Variants in UQCRB observed in about 807,000 individuals in gnomAD.
UQCRB encodes the protein cytochrome b-c1 complex subunit 7.
In UQCRB, 12 loss-of-function variants were observed where a neutral mutation model predicts 19.8. That is an observed-to-expected ratio of 0.61 (90% CI 0.39 to 0.98). The LOEUF (loss-of-function observed/expected upper bound fraction) is 0.98, where lower values mean the gene tolerates loss of function less well. UQCRB is among the 50% of genes least tolerant of loss of function. The pLI is 0.00. For synonymous variants in UQCRB, 39 were observed against 42.9 expected (o/e 0.91, Z 0.35); for missense variants, 142 against 131.8 (o/e 1.08, Z -0.38).
intron 2 of UQCRB, 152 bp from the exon 3 acceptor site, chr8:96,232,092 T>C: frequency 2.7e-6 from 2 of 744,272 alleles, no homozygotes; most frequent in Non-Finnish European, 2.2e-6. Context: ...ATGCATTTCA[T>C]ACATTATAGG....
At chr8:96,234,166 T>G (rs925815539) in intron 1 of UQCRB, 6 of 177,138 alleles carry the variant, frequency 3.4e-5, no homozygotes, top group Non-Finnish European at 7.3e-5. Context: ...GCAAACTCAG[T>G]GCACTACAGA....
In UQCRB at chr8:96,225,560, T is replaced by C. The variant is rs1809512042; in HGVS notation, c.*5495A>G. Among the ~76,000 whole-genome samples the C allele has an allele frequency of 6.6e-6, 1 of 152,036 alleles. No homozygotes were observed. Among genetic ancestry groups the C allele is most frequent in the African/African-American group, 2.4e-5 (1 of 41,402 alleles). On this transcript the variant is annotated 3_prime_UTR_variant, in exon 4 of 4. Transcript: ENST00000287022. ...TCTCCCATGTCTCTCCAGCTGATAT[T>C]TGCCACTCCATCAGTGCAAAACTGC...
In UQCRB at chr8:96,230,089, AT is replaced by A. The variant is rs760642623; in HGVS notation, c.*965del. 1.8e-5 allele frequency: 8 copies of A among 447,314 alleles called. No homozygotes were observed. Among genetic ancestry groups the A allele is most frequent in the East Asian group, 7.0e-5 (1 of 14,242 alleles). 27.7% of individuals were successfully genotyped at this position (447,314 alleles called of 1,614,324 possible). On this transcript the variant is annotated 3_prime_UTR_variant, in exon 4 of 4. Transcript: ENST00000287022. ...ATGATGACAACATTGAATAATCCTA[AT>A]TTTTTTTTTGAGACAGTCAATGTCG...
Position 96,231,919 on chromosome 8 carries a change from A to G in UQCRB, c.113T>C (p.Ile38Thr). ...NKLGLMRDDT[I>T]YEDEDVKEAI... ...TTCTTTTACATCTTCATCCTCGTAT[A>G]TTGTATCATCTCGCATTAACCCTAT... is the stretch of plus-strand genomic sequence containing the variant. Residue 38 changes from isoleucine (I) to threonine (T), a missense_variant, in exon 3 of 4, where the codon ATA becomes ACA. By Grantham distance (89) the Ile-to-Thr change is moderately conservative. Coordinates refer to ENST00000287022, the MANE Select transcript of UQCRB (RefSeq NM_006294.5). 6.2e-7 allele frequency: 1 copy of G among 1,613,602 alleles called. No homozygotes were observed. Among genetic ancestry groups the G allele is most frequent in the Non-Finnish European group, 8.5e-7 (1 of 1,179,992 alleles).
Position 96,226,433 on chromosome 8 carries a change from C to A in UQCRB, c.*4622G>T, listed in dbSNP as rs13261690. The stretch of plus-strand genomic sequence containing the variant: ...CTTTTTAGTCAAAGCCCTTCATTTT[C>A]TAGCTGAGGAAGCCAATCTTTAGAC... On this transcript the variant is annotated 3_prime_UTR_variant, in exon 4 of 4. Transcript: ENST00000287022. The A allele has an allele frequency of 0.45, 75,429 of 166,026 alleles. 17,673 individuals carry two copies. Among genetic ancestry groups the A allele is most frequent in the African/African-American group, 0.49 (20,439 of 41,486 alleles). The allele number at this position is 166,026 out of a possible 1,614,324, so 10.3% of individuals were successfully genotyped here. A position where few individuals can be genotyped will look rare whatever the true frequency, so the allele number is the denominator to read the frequency against.
Position 96,227,344 on chromosome 8 carries a change from C to A in UQCRB, c.*3711G>T. 2.2e-6 allele frequency: 1 copy of A among 454,070 alleles called. No individual in the cohort carries two copies. The highest frequency in any genetic ancestry group is 1.6e-5 in the South Asian group (1 of 64,470). 28.1% of individuals were successfully genotyped at this position (454,070 alleles called of 1,614,324 possible). A position where few individuals can be genotyped will look rare whatever the true frequency, so the allele number is the denominator to read the frequency against. Reference sequence around the variant, plus strand: ...GAAGGAGGGGAGGGAGTTGGTGGGGCGCAGAATGGAGAAATCTTCCATAGT... The same window carrying A: ...GAAGGAGGGGAGGGAGTTGGTGGGGAGCAGAATGGAGAAATCTTCCATAGT... On this transcript the variant is annotated 3_prime_UTR_variant, in exon 4 of 4. Transcript: ENST00000287022.
In UQCRB at chr8:96,224,120, G is replaced by C. The variant is rs1185843747; in HGVS notation, c.*6935C>G. On this transcript the variant is annotated 3_prime_UTR_variant, in exon 4 of 4. Coordinates refer to ENST00000287022, the MANE Select transcript of UQCRB (RefSeq NM_006294.5). ...CCATTCTCAAGGGCAGCCCAGTTCT[G>C]TGTGAGTCAGAGTCCTGGCAGGAAA... is the stretch of plus-strand genomic sequence containing the variant. Among the ~76,000 whole-genome samples the C allele has an allele frequency of 6.6e-6, 1 of 152,212 alleles. No homozygotes were observed. The highest frequency in any genetic ancestry group is 1.5e-5 in the Non-Finnish European group (1 of 68,044).
chr8:96,233,069 T>C (rs1451334223), intron 2 of UQCRB, 87 bp downstream of exon 2: 7 of 1,307,972 alleles, frequency 5.4e-6, no homozygotes, highest in African/African-American at 4.5e-5. Context: ...CAGTAACACT[T>C]GCAAAAGCAA....
chr8:96,227,920 G>A lies in UQCRB; in HGVS notation c.*3135C>T, dbSNP rs1337835660. ...TAAAAACTCCATCACTAACATTTTGGTACCACTCGTAGAGCGTCACATAAA... is the reference window on the plus strand; with the variant it reads ...TAAAAACTCCATCACTAACATTTTGATACCACTCGTAGAGCGTCACATAAA... On this transcript the variant is annotated 3_prime_UTR_variant, in exon 4 of 4. Transcript: ENST00000287022. The A allele has an allele frequency of 2.2e-6, 1 of 453,970 alleles. No homozygotes were observed. The highest frequency in any genetic ancestry group is 2.0e-5 in the African/African-American group (1 of 49,996). 28.1% of individuals were successfully genotyped at this position (453,970 alleles called of 1,614,324 possible).
chr8:96,227,446 T>C lies in UQCRB; in HGVS notation c.*3609A>G, dbSNP rs538952464. 2 of 454,096 alleles carry C rather than the reference T, an allele frequency of 4.4e-6. No individual in the cohort carries two copies. The highest frequency in any genetic ancestry group is 1.4e-4 in the East Asian group (2 of 14,390). The allele number at this position is 454,096 out of a possible 1,614,324, so 28.1% of individuals were successfully genotyped here. A position where few individuals can be genotyped will look rare whatever the true frequency, so the allele number is the denominator to read the frequency against. ...GGCAGAATTTCATGCCTTGTTCTAA[T>C]AAAGGGATTTTCCTTGTTTTCCAAA... On this transcript the variant is annotated 3_prime_UTR_variant, in exon 4 of 4. Coordinates refer to ENST00000287022, the MANE Select transcript of UQCRB (RefSeq NM_006294.5).
At position 96,230,586 on chromosome 8, in the gene UQCRB, T is replaced by C. The variant is rs1422260764; in HGVS notation, c.*469A>G. ...GTTAGCACAGGAGTATGTATATTAC[T>C]TAAGTATGCCTATGTTGGGGTGCAG... On this transcript the variant is annotated 3_prime_UTR_variant, in exon 4 of 4. Coordinates refer to ENST00000287022, the MANE Select transcript of UQCRB (RefSeq NM_006294.5). 2 of 454,652 alleles carry C rather than the reference T, an allele frequency of 4.4e-6. No individual in the cohort carries two copies. Among genetic ancestry groups the C allele is most frequent in the African/African-American group, 2.0e-5 (1 of 50,040 alleles). 28.2% of individuals were successfully genotyped at this position (454,652 alleles called of 1,614,324 possible).
intron 3 of UQCRB, 84 bp from the exon 4 acceptor site, chr8:96,231,216 A>C: frequency 6.2e-7 from 1 of 1,613,170 alleles, no homozygotes; most frequent in Non-Finnish European, 8.5e-7. Context: ...AACAAGAAAA[A>C]AGCAATTACT....
chr8:96,223,573 G>A lies in UQCRB; in HGVS notation c.*7482C>T, dbSNP rs1417513886. On this transcript the variant is annotated 3_prime_UTR_variant, in exon 4 of 4. Coordinates refer to ENST00000287022, the MANE Select transcript of UQCRB (RefSeq NM_006294.5). ...AAGTCAAAGAAAATAGAAATGTCAA[G>A]TGCCTGGGGTTGACAAAGAGCTTCT... 1.3e-5 allele frequency among the ~76,000 whole-genome samples: 2 copies of A among 152,216 alleles called. No individual in the cohort carries two copies. The highest frequency in any genetic ancestry group is 2.9e-5 in the Non-Finnish European group (2 of 68,044).
chr8:96,234,515 T>C (rs1219171560), intron 1 of UQCRB: 2 of 1,288,332 alleles, frequency 1.6e-6, no homozygotes, highest in Non-Finnish European at 2.0e-6. Flanking sequence ...GTGTCTTGAA[T>C]TTAGTAAGAC....
chr8:96,223,534 G>T lies in UQCRB; in HGVS notation c.*7521C>A, dbSNP rs1225922275. Among the ~76,000 whole-genome samples the T allele has an allele frequency of 6.6e-6, 1 of 152,210 alleles. No individual in the cohort carries two copies. Among genetic ancestry groups the T allele is most frequent in the Admixed American group, 6.5e-5 (1 of 15,284 alleles). ...AAATAGTAAATGATTGGTTGAAGTA[G>T]TAAGTGCTTTACAAAGTCAAAGAAA... is the stretch of plus-strand genomic sequence containing the variant. On this transcript the variant is annotated 3_prime_UTR_variant, in exon 4 of 4. Transcript: ENST00000287022.
rs764138041 is a variant in UQCRB at position 96,228,621 on chromosome 8, G to A, written c.*2434C>T. 4 of 454,082 alleles carry A rather than the reference G, an allele frequency of 8.8e-6. No homozygotes were observed. The highest frequency in any genetic ancestry group is 6.2e-5 in the South Asian group (4 of 64,470). The allele number at this position is 454,082 out of a possible 1,614,324, so 28.1% of individuals were successfully genotyped here. A position where few individuals can be genotyped will look rare whatever the true frequency, so the allele number is the denominator to read the frequency against. ...ATAATTTACATTATGCATACTATAT[G>A]CCAGAAACTGTTAGTGCTTGACATG... On this transcript the variant is annotated 3_prime_UTR_variant, in exon 4 of 4. Transcript: ENST00000287022.
chr8:96,230,357 A>G lies in UQCRB; in HGVS notation c.*698T>C. 9.3e-6 allele frequency: 4 copies of G among 432,224 alleles called. No homozygotes were observed. Among genetic ancestry groups the G allele is most frequent in the Non-Finnish European group, 1.4e-5 (3 of 217,448 alleles). The allele number at this position is 432,224 out of a possible 1,614,324, so 26.8% of individuals were successfully genotyped here. ...CTCCCAAAGTGCTGGGATTACAGGC[A>G]TGAGCCACCATGCCTTGCCAATGAT... is the stretch of plus-strand genomic sequence containing the variant. On this transcript the variant is annotated 3_prime_UTR_variant, in exon 4 of 4. Coordinates refer to ENST00000287022, the MANE Select transcript of UQCRB (RefSeq NM_006294.5).
chr8:96,225,161 T>C lies in UQCRB; in HGVS notation c.*5894A>G, dbSNP rs1046207970. On this transcript the variant is annotated 3_prime_UTR_variant, in exon 4 of 4. Transcript: ENST00000287022. Reference sequence around the variant, plus strand: ...GCTGTGAAAATTAAAAATAGGCCCATAGGTGAAGGACATGAACAAGATTGA... The same window carrying C: ...GCTGTGAAAATTAAAAATAGGCCCACAGGTGAAGGACATGAACAAGATTGA... 5.3e-5 allele frequency among the ~76,000 whole-genome samples: 8 copies of C among 152,022 alleles called. No homozygotes were observed. The highest frequency in any genetic ancestry group is 1.9e-4 in the African/African-American group (8 of 41,362).
chr8:96,232,891 G>A (rs764781741), intron 2 of UQCRB: 7 of 361,652 alleles, frequency 1.9e-5, no homozygotes, highest in Non-Finnish European at 3.0e-5. Flanking sequence ...GAAAGGGGGT[G>A]TAGAAGGAAA....
Sources: gnomAD v4.1 joint callset for allele counts (sites outside exome capture counted in the v4.1 genomes callset) on GRCh38, gnomAD v4.1.1 for gene constraint, MANE v1.5 for transcripts, NCBI Gene and HGNC (gene_info 2026-07-23, HGNC 2026-07-21) for gene names.